The following RPP30 variants were observed in gnomAD, a reference collection of about 807,000 sequenced individuals.
RPP30 encodes ribonuclease P protein subunit p30.
Under a neutral mutation model 38.6 loss-of-function variants are expected in RPP30, and 36 were observed. The ratio of observed to expected loss-of-function variants is 0.93; its 90% CI spans 0.71 to 1.23. The LOEUF (loss-of-function observed/expected upper bound fraction) is 1.23, where lower values mean the gene tolerates loss of function less well. RPP30 is among the 50% of genes most tolerant of loss of function. The pLI, the probability that RPP30 is intolerant of heterozygous loss-of-function variation, is 0.00. For missense variants in RPP30, 321 were observed against 321.7 expected (o/e 1.00, Z 0.02); for synonymous variants, 126 against 112.7 (o/e 1.12, Z -0.75).
At position 90,900,961 on chromosome 10, in the gene RPP30, A is replaced by G. The variant is rs1393306433; in HGVS notation, c.*282A>G. On this transcript the variant is annotated 3_prime_UTR_variant, in exon 11 of 11. Transcript: ENST00000371703. ...GATAAACAACAGCAAATATACTTGA[A>G]TAAAATGTTTCAGGTATTTTTGTTT... is the stretch of plus-strand genomic sequence containing the variant. The G allele has an allele frequency of 2.7e-5, 30 of 1,091,548 alleles. No homozygotes were observed. Among genetic ancestry groups the G allele is most frequent in the Non-Finnish European group, 3.2e-5 (29 of 897,810 alleles). 67.6% of individuals were successfully genotyped at this position (1,091,548 alleles called of 1,614,324 possible). A position where few individuals can be genotyped will look rare whatever the true frequency, so the allele number is the denominator to read the frequency against.
chr10:90,895,603 T>A, intron 8 of RPP30, 120 bp downstream of exon 8: 2 of 621,502 alleles, frequency 3.2e-6, no homozygotes, highest in Non-Finnish European at 5.2e-6. Context: ...TTTAACTGCA[T>A]TTGCTCATTG....
intron 1 of RPP30, among the ~76,000 whole-genome samples, chr10:90,872,403 C>G (rs893604515): frequency 3.3e-5 from 5 of 152,142 alleles, no homozygotes; most frequent in Admixed American, 6.5e-5. Flanking sequence ...AAGTTACTAT[C>G]AGCCCTTCCT....
chr10:90,884,522 G>A (rs1394668036), intron 5 of RPP30, among the ~76,000 whole-genome samples: 1 of 152,158 alleles, frequency 6.6e-6, no homozygotes, highest in Non-Finnish European at 1.5e-5. Flanking sequence ...TAAATTTTCA[G>A]TGACTCTTTT....
intron 1 of RPP30, among the ~76,000 whole-genome samples, chr10:90,873,742 G>A (rs974560201): frequency 6.6e-6 from 1 of 152,108 alleles, no homozygotes; most frequent in African/African-American, 2.4e-5. Flanking sequence ...AGAAGAATAG[G>A]GAGGAGGTGT....
chr10:90,900,299 A>G (rs1847185504), intron 10 of RPP30, among the ~76,000 whole-genome samples: 2 of 152,264 alleles, frequency 1.3e-5, no homozygotes. Flanking sequence ...TTCTGGCTAC[A>G]TAAGATGCCA....
chr10:90,874,840 A>G (rs763110173), intron 1 of RPP30, 29 bp from the exon 2 acceptor site: 4 of 1,543,492 alleles, frequency 2.6e-6, no homozygotes, highest in Admixed American at 3.4e-5. Flanking sequence ...TGTTATATTT[A>G]ACAAAAGTGT....
chr10:90,879,842 T>C (rs965755806), intron 5 of RPP30, among the ~76,000 whole-genome samples: 1 of 152,210 alleles, frequency 6.6e-6, no homozygotes, highest in African/African-American at 2.4e-5. Flanking sequence ...TTTTACTGTG[T>C]AAAATGAGGT....
chr10:90,872,716 C>G (rs1564709335), intron 1 of RPP30, among the ~76,000 whole-genome samples: 3 of 152,142 alleles, frequency 2.0e-5, no homozygotes, highest in African/African-American at 7.2e-5. Context: ...TAAAAAGAAT[C>G]AAGAGGTTCG....
At chr10:90,902,299 C>G, downstream of RPP30, 1 of 413,480 alleles carries the variant, frequency 2.4e-6, no homozygotes, top group Non-Finnish European at 4.4e-6. Flanking sequence ...CTCACTGCAA[C>G]CTTTGCCTCT....
intron 5 of RPP30, among the ~76,000 whole-genome samples, chr10:90,884,807 C>T (rs1410065776): frequency 6.6e-6 from 1 of 152,232 alleles, no homozygotes; most frequent in African/African-American, 2.4e-5. Flanking sequence ...TTACTCTGCC[C>T]TTTCCCCTGG....
intron 6 of RPP30, among the ~76,000 whole-genome samples, chr10:90,892,014 T>G (rs1288342132): frequency 6.6e-6 from 1 of 152,238 alleles, no homozygotes; most frequent in Non-Finnish European, 1.5e-5. Context: ...CCTTACTTTC[T>G]TCTCGTCTTT....
rs548138668 is a variant in RPP30, at chr10:90,901,475, C to T, written c.*796C>T. 2 of 984,626 alleles carry T rather than the reference C, an allele frequency of 2.0e-6. No individual in the cohort carries two copies. The highest frequency in any genetic ancestry group is 4.7e-5 in the South Asian group (1 of 21,272). The allele number at this position is 984,626 out of a possible 1,614,324, so 61.0% of individuals were successfully genotyped here. ...AGAATTTGTGGAAGGAGAGAGGATA[C>T]ACATGTAAAATTACATCTGGTCTCT... On this transcript the variant is annotated 3_prime_UTR_variant, in exon 11 of 11. Coordinates refer to ENST00000371703, the MANE Select transcript of RPP30 (RefSeq NM_006413.5).
chr10:90,878,475 G>T (rs1310674405), intron 4 of RPP30, among the ~76,000 whole-genome samples: 5 of 151,692 alleles, frequency 3.3e-5, no homozygotes, highest in Non-Finnish European at 7.4e-5. Flanking sequence ...GGTTTAAGAT[G>T]ATATTTTCTT....
rs1004638027 is a variant in RPP30 at position 90,901,284 on chromosome 10, G to C, written c.*605G>C. The C allele has an allele frequency of 3.5e-5, 34 of 984,778 alleles. No individual in the cohort carries two copies. Among genetic ancestry groups the C allele is most frequent in the Non-Finnish European group, 3.6e-5 (30 of 829,712 alleles). The allele number at this position is 984,778 out of a possible 1,614,324, so 61.0% of individuals were successfully genotyped here. A position where few individuals can be genotyped will look rare whatever the true frequency, so the allele number is the denominator to read the frequency against. ...TTACATGAGCCACCACATGCAGCCA[G>C]ATGTTTGAATATTTTAAGAGCTTCT... On this transcript the variant is annotated 3_prime_UTR_variant, in exon 11 of 11. Coordinates refer to ENST00000371703, the MANE Select transcript of RPP30 (RefSeq NM_006413.5).
intron 4 of RPP30, 122 bp from the exon 5 acceptor site, chr10:90,878,941 C>A: frequency 4.7e-6 from 3 of 643,302 alleles, no homozygotes; most frequent in East Asian, 2.8e-5. Context: ...CAAAGCAAAG[C>A]AGAAATGTCA....
chr10:90,907,269 G>T (rs1324582923), downstream of RPP30, among the ~76,000 whole-genome samples: 1 of 152,142 alleles, frequency 6.6e-6, no homozygotes, highest in Admixed American at 6.6e-5. Context: ...TCACTTGGAA[G>T]AAATTGAAGG....
At chr10:90,885,526 C>G (rs531327854) in intron 5 of RPP30, among the ~76,000 whole-genome samples, 1 of 152,310 alleles carries the variant, frequency 6.6e-6, no homozygotes, top group East Asian at 1.9e-4. Context: ...GCTCTGCAAC[C>G]CATCCTTATG....
Position 90,885,919 on chromosome 10 carries a change from T to G in RPP30, c.432+18T>G, listed in dbSNP as rs1336602510. ...TTAATGTGGTAAGTGTACTTTCCATTCTGTATTTGAATCTTAGAAACTTAC... is the reference window on the plus strand; with the variant it reads ...TTAATGTGGTAAGTGTACTTTCCATGCTGTATTTGAATCTTAGAAACTTAC... On this transcript the variant is annotated intron_variant, in intron 6 of 10. Transcript: ENST00000371703. 6.9e-7 allele frequency: 1 copy of G among 1,456,786 alleles called. No individual in the cohort carries two copies. The highest frequency in any genetic ancestry group is 1.4e-5 in the African/African-American group (1 of 71,118). 90.2% of individuals were successfully genotyped at this position (1,456,786 alleles called of 1,614,324 possible).
At chr10:90,872,716 C>CAAG (rs1053600272) in intron 1 of RPP30, among the ~76,000 whole-genome samples, 7 of 152,142 alleles carry the variant, frequency 4.6e-5, no homozygotes, top group African/African-American at 1.7e-4. Context: ...TAAAAAGAAT[C>CAAG]AAGAGGTTCG....
Sources: allele counts gnomAD v4.1 joint callset (sites outside exome capture counted in the v4.1 genomes callset), GRCh38; gene constraint gnomAD v4.1.1; transcripts MANE v1.5; gene names NCBI Gene and HGNC (gene_info 2026-07-23, HGNC 2026-07-21).